Variants in CDX2 observed in about 807,000 individuals in gnomAD.
CDX2 encodes the protein caudal type homeobox 2, also known as homeobox protein CDX-2.
Under a neutral mutation model 25.5 loss-of-function variants are expected in CDX2, and 7 were observed. That is an observed-to-expected ratio of 0.27 (90% confidence interval 0.16 to 0.52). The LOEUF (loss-of-function observed/expected upper bound fraction) is 0.52. Among genes scored for constraint, CDX2 ranks in the 20% least tolerant of loss-of-function variants. The pLI is 0.97. For synonymous variants in CDX2, 222 were observed against 198.6 expected (o/e 1.12, Z -0.99); for missense variants, 375 against 431.4 (o/e 0.87, Z 1.16).
chr13:27,967,300 A>G, intron 1 of CDX2: 1 of 514,974 alleles, frequency 1.9e-6, no homozygotes, highest in Admixed American at 2.3e-5. Flanking sequence ...CGGCATTCCC[A>G]CCAGGACTCT....
At chr13:27,968,377 T>A (rs1219815858) in intron 1 of CDX2, 89 bp downstream of exon 1, 1 of 1,353,876 alleles carries the variant, frequency 7.4e-7, no homozygotes. Flanking sequence ...GGGACGCCCC[T>A]GTGCGCACTG....
Position 27,964,772 on chromosome 13 carries a change from T to G in CDX2, c.687+98A>C. 1 of 935,570 alleles carries G rather than the reference T, an allele frequency of 1.1e-6. No individual in the cohort carries two copies. Among genetic ancestry groups the G allele is most frequent in the Non-Finnish European group, 1.6e-6 (1 of 613,922 alleles). The allele number at this position is 935,570 out of a possible 1,614,324, so 58.0% of individuals were successfully genotyped here. ...ATGCTTGCATCCTCCTGCTTCAGTCTCTCCACAGATTTAGATGGCCCCTGC... is the reference window on the plus strand; with the variant it reads ...ATGCTTGCATCCTCCTGCTTCAGTCGCTCCACAGATTTAGATGGCCCCTGC... On this transcript the variant is annotated intron_variant, in intron 2 of 2. Coordinates refer to ENST00000381020, the MANE Select transcript of CDX2 (RefSeq NM_001265.6). This position sits in a 1 kb window ranked among gnomAD's most constrained non-coding sequence, Gnocchi z 4.7.
chr13:27,964,153 A>C lies in CDX2; in HGVS notation c.687+717T>G, dbSNP rs951373860. 6.6e-6 allele frequency among the ~76,000 whole-genome samples: 1 copy of C among 152,202 alleles called. No individual in the cohort carries two copies. Among genetic ancestry groups the C allele is most frequent in the Non-Finnish European group, 1.5e-5 (1 of 68,036 alleles). Reference sequence around the variant, plus strand: ...AGTGGCTCACACCTGTAATCTCAGCACTTTGGGAGGCCGAGGCGGGTGGAT... The same window carrying C: ...AGTGGCTCACACCTGTAATCTCAGCCCTTTGGGAGGCCGAGGCGGGTGGAT... On this transcript the variant is annotated intron_variant, in intron 2 of 2. Transcript: ENST00000381020. This position sits in a 1 kb window ranked among gnomAD's most constrained non-coding sequence, Gnocchi z 4.7.
chr13:27,967,475 G>A, intron 1 of CDX2: 1 of 453,606 alleles, frequency 2.2e-6, no homozygotes, highest in Non-Finnish European at 4.2e-6. Context: ...AAGCGGAAGC[G>A]CTGAGGGCTG....
At chr13:27,965,408 G>C (rs576094801) in intron 1 of CDX2, among the ~76,000 whole-genome samples, 1 of 152,304 alleles carries the variant, frequency 6.6e-6, no homozygotes, top group South Asian at 2.1e-4. Context: ...GCCTACCAGA[G>C]ATGGAAGCCC....
rs111795961 is a variant in CDX2 at position 27,961,057 on chromosome 13, A to C, written c.*2058T>G. On this transcript the variant is annotated 3_prime_UTR_variant, in exon 3 of 3. Transcript: ENST00000381020. ...CCGGGGCTCAGACCGGCCCTGACCCAGGACCCCTGACCCAGGACCCCTCGC... is the reference window on the plus strand; with the variant it reads ...CCGGGGCTCAGACCGGCCCTGACCCCGGACCCCTGACCCAGGACCCCTCGC... Among the ~76,000 whole-genome samples, 7,931 of 152,042 alleles carry C rather than the reference A, an allele frequency of 0.052. 721 individuals are homozygous for C. Among genetic ancestry groups the C allele is most frequent in the African/African-American group, 0.18 (7,481 of 41,458 alleles).
chr13:27,964,324 G>A lies in CDX2; in HGVS notation c.687+546C>T, dbSNP rs1433720383. On this transcript the variant is annotated intron_variant, in intron 2 of 2. Coordinates refer to ENST00000381020, the MANE Select transcript of CDX2 (RefSeq NM_001265.6). This position sits in a 1 kb window ranked among gnomAD's most constrained non-coding sequence, Gnocchi z 4.7. ...TGAAGCAGGAGAATCGCTTGAACCC[G>A]GGAGGCAGAGGTTGCAGTGAGCTGA... Among the ~76,000 whole-genome samples, 1 of 152,140 alleles carries A rather than the reference G, an allele frequency of 6.6e-6. No individual in the cohort carries two copies. The highest frequency in any genetic ancestry group is 2.1e-4 in the South Asian group (1 of 4,826).
rs1869076906 is a variant in CDX2 at position 27,962,085 on chromosome 13, TTAAAAAA to T, written c.*1023_*1029del. 4.3e-6 allele frequency: 1 copy of T among 230,300 alleles called. No individual in the cohort carries two copies. 14.3% of individuals were successfully genotyped at this position (230,300 alleles called of 1,614,324 possible). On this transcript the variant is annotated 3_prime_UTR_variant, in exon 3 of 3. Coordinates refer to ENST00000381020, the MANE Select transcript of CDX2 (RefSeq NM_001265.6). ...CAAGCAGAGAAGATATTTCATTTCT[TTAAAAAA>T]TAAAAAATAGTTGCAGACAAAATCT...
rs1197324600 is a variant in CDX2 at position 27,964,672 on chromosome 13, C to G, written c.687+198G>C. 6.8e-6 allele frequency among the ~76,000 whole-genome samples: 1 copy of G among 148,108 alleles called. No individual in the cohort carries two copies. The highest frequency in any genetic ancestry group is 1.5e-5 in the Non-Finnish European group (1 of 67,456). On this transcript the variant is annotated intron_variant, in intron 2 of 2. Transcript: ENST00000381020. This position sits in a 1 kb window ranked among gnomAD's most constrained non-coding sequence, Gnocchi z 4.7. ...TGAGCTATGATTGTGCCACTACACTCCAGCCTGGGCCACAAAGCAAGACCC... is the reference window on the plus strand; with the variant it reads ...TGAGCTATGATTGTGCCACTACACTGCAGCCTGGGCCACAAAGCAAGACCC...
At position 27,968,791 on chromosome 13, in the gene CDX2, T is replaced by G; in HGVS notation, c.216A>C (p.Pro72=). The change falls in exon 1 of 3, where the codon CCA becomes CCC. Residue 72 remains proline (P), a synonymous_variant. Transcript: ENST00000381020. The part of the protein sequence containing the change: ...GPSWPAAYGA[P]LREDWNGYAP... ...CGTAGCCATTCCAGTCCTCCCGGAGTGGGGCGCCATACGCTGCCGGCCAGG... is the reference window on the plus strand; with the variant it reads ...CGTAGCCATTCCAGTCCTCCCGGAGGGGGGCGCCATACGCTGCCGGCCAGG... The G allele has an allele frequency of 6.6e-7, 1 of 1,522,404 alleles. No homozygotes were observed. The highest frequency in any genetic ancestry group is 8.8e-7 in the Non-Finnish European group (1 of 1,138,670). 94.3% of individuals were successfully genotyped at this position (1,522,404 alleles called of 1,614,324 possible).
At position 27,964,046 on chromosome 13, in the gene CDX2, G is replaced by C. The variant is rs1476152494; in HGVS notation, c.688-677C>G. 6.6e-6 allele frequency among the ~76,000 whole-genome samples: 1 copy of C among 152,094 alleles called. No individual in the cohort carries two copies. Among genetic ancestry groups the C allele is most frequent in the East Asian group, 1.9e-4 (1 of 5,182 alleles). On this transcript the variant is annotated intron_variant, in intron 2 of 2. Coordinates refer to ENST00000381020, the MANE Select transcript of CDX2 (RefSeq NM_001265.6). The surrounding 1 kb of genome is among the most constrained non-coding windows in gnomAD (Gnocchi z 4.7). ...CTTCTTATATCCCTCAAAAGAGAGA[G>C]ACAGAAAAAATCAACAACATCAAAA... is the stretch of plus-strand genomic sequence containing the variant.
In CDX2 at chr13:27,961,697, T is replaced by TA. The variant is rs11291875; in HGVS notation, c.*1417dup. Among the ~76,000 whole-genome samples the TA allele has an allele frequency of 4.0e-5, 6 of 151,730 alleles. No individual in the cohort carries two copies. The highest frequency in any genetic ancestry group is 2.9e-5 in the Non-Finnish European group (2 of 67,962). Reference sequence around the variant, plus strand: ...CTTGGGAAACTAGGGGGATTTTTTTTAAAAAAAATTTAATGCTCACGTTTA... The same window carrying TA: ...CTTGGGAAACTAGGGGGATTTTTTTTAAAAAAAAATTTAATGCTCACGTTTA... On this transcript the variant is annotated 3_prime_UTR_variant, in exon 3 of 3. Transcript: ENST00000381020.
In CDX2 at chr13:27,969,069, G is replaced by A. The variant is rs1343153510; in HGVS notation, c.-63C>T. On this transcript the variant is annotated 5_prime_UTR_variant, in exon 1 of 3. Transcript: ENST00000381020. ...CTGGGGACCGACGCTGGAGGCTGCCGGGGGGCACGAAGGGAAAGGGGCGAG... is the reference window on the plus strand; with the variant it reads ...CTGGGGACCGACGCTGGAGGCTGCCAGGGGGCACGAAGGGAAAGGGGCGAG... 14 of 1,334,448 alleles carry A rather than the reference G, an allele frequency of 1.0e-5. No homozygotes were observed. The highest frequency in any genetic ancestry group is 1.4e-5 in the Non-Finnish European group (14 of 967,646). 82.7% of individuals were successfully genotyped at this position (1,334,448 alleles called of 1,614,324 possible). A position where few individuals can be genotyped will look rare whatever the true frequency, so the allele number is the denominator to read the frequency against.
rs1805107 is a variant in CDX2 at position 27,963,180 on chromosome 13, G to A, written c.877C>T (p.Pro293Ser). The change falls in exon 3 of 3, where the codon CCT becomes TCT. Residue 293 changes from proline (P) to serine (S), a missense_variant. Pro to Ser is a moderately conservative substitution (Grantham distance 74, BLOSUM62 -1). Coordinates refer to ENST00000381020, the MANE Select transcript of CDX2 (RefSeq NM_001265.6). ...CCCAGAACCCCAGGGACAGAGCCAG[G>A]CACTGAGGCTTGCAGGGAAGACACC... ...SPVSSLQASV[P>S]GSVPGVLGPT... The A allele has an allele frequency of 0.8, 1,298,251 of 1,613,828 alleles. 526,455 individuals carry two copies. The highest frequency in any genetic ancestry group is 0.89 in the South Asian group (81,066 of 91,076).
In CDX2 at chr13:27,968,439, C is replaced by T. The variant is rs762022605; in HGVS notation, c.541+27G>A. 3 of 1,489,286 alleles carry T rather than the reference C, an allele frequency of 2.0e-6. No homozygotes were observed. The East Asian group carries it at 7.9e-5, about 39-fold the overall frequency. 92.3% of individuals were successfully genotyped at this position (1,489,286 alleles called of 1,614,324 possible). The stretch of plus-strand genomic sequence containing the variant: ...CTCGACCCGCGCCTTCCCAAGCACC[C>T]TCCGAAGGGGCGCAGCCTCTGCTTA... On this transcript the variant is annotated intron_variant, in intron 1 of 2. Transcript: ENST00000381020.
intron 1 of CDX2, 29 bp from the exon 2 acceptor site, chr13:27,965,044 G>C (rs1274642052): frequency 6.2e-7 from 1 of 1,609,488 alleles, no homozygotes; most frequent in Non-Finnish European, 8.5e-7. Flanking sequence ...TGAGGGCTGA[G>C]AACTGCAAGG....
Position 27,968,866 on chromosome 13 carries a change from G to A in CDX2, c.141C>T (p.Ala47=), listed in dbSNP as rs371998499. The change falls in exon 1 of 3, where the codon GCC becomes GCT. Residue 47 remains alanine, a synonymous_variant. Coordinates refer to ENST00000381020, the MANE Select transcript of CDX2 (RefSeq NM_001265.6). ...CCAAGTTCGCTGCCGCTGCAGCTGCGGCCGCCACGTGGTAACCGCCGTAGT... is the reference window on the plus strand; with the variant it reads ...CCAAGTTCGCTGCCGCTGCAGCTGCAGCCGCCACGTGGTAACCGCCGTAGT... ...YPDYGGYHVA[A]AAAAAANLDS... 1.2e-4 allele frequency: 199 copies of A among 1,597,968 alleles called. 2 individuals are homozygous for A. The South Asian group carries it at 2.0e-3, about 16-fold the overall frequency.
In CDX2 at chr13:27,965,073, T is replaced by TAATG. The variant is rs546038286; in HGVS notation, c.542-62_542-59dup. On this transcript the variant is annotated intron_variant, in intron 1 of 2. Transcript: ENST00000381020. ...TGCAAGGCAGCCCATCAGTCATGGG[T>TAATG]AATGACAAACCTCCCTAACCCAGGG... 27 of 1,564,624 alleles carry TAATG rather than the reference T, an allele frequency of 1.7e-5. No homozygotes were observed. In the East Asian group the frequency reaches 5.7e-4, roughly 33 times the overall value.
intron 1 of CDX2, among the ~76,000 whole-genome samples, chr13:27,966,192 G>T (rs936740673): frequency 1.3e-5 from 2 of 152,204 alleles, no homozygotes; most frequent in Non-Finnish European, 2.9e-5. Context: ...ACCACATTCT[G>T]TTTGAATTAC....
Sources: gnomAD v4.1 joint callset for allele counts (sites outside exome capture counted in the v4.1 genomes callset) on GRCh38, gnomAD v4.1.1 for gene constraint, Gnocchi (gnomAD v3.1) non-coding constraint, MANE v1.5 for transcripts, NCBI Gene and HGNC (gene_info 2026-07-23, HGNC 2026-07-21) for gene names.